Variants in CORO7 observed in about 807,000 individuals in gnomAD.
CORO7 encodes the protein coronin 7, also known as coronin-7.
Under a neutral mutation model 126.6 loss-of-function variants are expected in CORO7, and 107 were observed. That is an observed-to-expected ratio of 0.85 (90% CI 0.72 to 0.99). The LOEUF (loss-of-function observed/expected upper bound fraction) is 0.99. Ranked by LOEUF, CORO7 falls within the 50% of genes least tolerant of loss-of-function variation. The probability of loss-of-function intolerance (pLI) is 0.00; values close to 1 mark genes in which losing one functional copy is unlikely to be tolerated. For missense variants in CORO7, 1,314 were observed against 1,255.8 expected, an observed-to-expected ratio of 1.05 and a Z score of -0.70; for synonymous variants, 603 against 536.8, an observed-to-expected ratio of 1.12 and a Z score of -1.70.
rs764132142 is a variant in CORO7 at position 4,381,239 on chromosome 16, G to A, written c.785+6747C>T. On this transcript the variant is annotated intron_variant, in intron 9 of 27. Transcript: ENST00000251166. ...CATGAAATCACCAATGAGACCTTCCGTGGCCTGCGGCGCCTCGAGCGCCTC... is the reference window on the plus strand; with the variant it reads ...CATGAAATCACCAATGAGACCTTCCATGGCCTGCGGCGCCTCGAGCGCCTC... 66 of 1,611,882 alleles carry A rather than the reference G, an allele frequency of 4.1e-5. No individual in the cohort carries two copies. The highest frequency in any genetic ancestry group is 1.3e-4 in the South Asian group (12 of 90,982).
intron 3 of CORO7, among the ~76,000 whole-genome samples, chr16:4,409,503 C>G (rs1490158961): frequency 1.3e-5 from 2 of 152,354 alleles, no homozygotes; most frequent in East Asian, 3.9e-4. Flanking sequence ...GGGGTTGACA[C>G]GCAGGGACCT....
rs149523662 is a variant in CORO7 at position 4,373,801 on chromosome 16, C to T, written c.786-8256G>A. ...GGGCCCTGCTGAGCCCAGGAGGGAG[C>T]TCCCACCTCAGCAGGCCAGACAGCC... is the stretch of plus-strand genomic sequence containing the variant. On this transcript the variant is annotated intron_variant, in intron 9 of 27. Transcript: ENST00000251166. 3.3e-5 allele frequency among the ~76,000 whole-genome samples: 5 copies of T among 152,236 alleles called. No homozygotes were observed. The East Asian group carries it at 9.7e-4, about 29-fold the overall frequency.
intron 9 of CORO7, chr16:4,383,156 G>A (rs753600129): frequency 6.5e-6 from 3 of 459,210 alleles, no homozygotes; most frequent in Non-Finnish European, 1.2e-5. Flanking sequence ...CCTCCGCAAC[G>A]TGCAGTCCCT....
chr16:4,371,799 CG>C (rs2054534774), intron 9 of CORO7: 1 of 151,782 alleles, frequency 6.6e-6, no homozygotes, highest in African/African-American at 2.4e-5. Flanking sequence ...CCTGCCGCGG[CG>C]GGCCCGCCCC....
At chr16:4,387,887 G>A (rs1567281226) in intron 9 of CORO7, 99 bp downstream of exon 9, 1 of 1,474,798 alleles carries the variant, frequency 6.8e-7, no homozygotes, top group Non-Finnish European at 9.3e-7. Context: ...GAACACCCCG[G>A]AGATCAGCCC....
intron 27 of CORO7, 26 bp downstream of exon 27, chr16:4,355,260 G>A (rs375148587): frequency 1.9e-4 from 301 of 1,612,272 alleles, no homozygotes; most frequent in Non-Finnish European, 2.3e-4. Flanking sequence ...GCTGCCTGCC[G>A]GGAAGTGAGG....
At chr16:4,398,714 A>T (rs2141292740) in intron 6 of CORO7, among the ~76,000 whole-genome samples, 1 of 152,104 alleles carries the variant, frequency 6.6e-6, no homozygotes, top group African/African-American at 2.4e-5. Flanking sequence ...TCACACCTGT[A>T]ATCCCAGCAC....
At chr16:4,385,165 C>A (rs370070113) in intron 9 of CORO7, among the ~76,000 whole-genome samples, 3 of 152,174 alleles carry the variant, frequency 2.0e-5, no homozygotes, top group African/African-American at 7.2e-5. Flanking sequence ...GGTGTGCGAG[C>A]CCCCATCACC....
chr16:4,369,116 C>T (rs936674195), intron 9 of CORO7, among the ~76,000 whole-genome samples: 2 of 152,242 alleles, frequency 1.3e-5, no homozygotes, highest in Non-Finnish European at 1.5e-5. Flanking sequence ...GAGCTGAGGC[C>T]GAGTGGGCAG....
Position 4,362,152 on chromosome 16 carries a change from A to T in CORO7, c.1411T>A (p.Ser471Thr), listed in dbSNP as rs1217366630. Reference sequence around the variant, plus strand: ...GTGCCCTGAGCATGGCGGAACTTGGAACTGGGGCCTGGCAGGTGGCAGGGA... The same window carrying T: ...GTGCCCTGAGCATGGCGGAACTTGGTACTGGGGCCTGGCAGGTGGCAGGGA... ...RSLQSLLGPS[S>T]KFRHAQGTVL... The change falls in exon 16 of 28, where the codon TCC becomes ACC. Residue 471 changes from serine (S) to threonine (T), a missense_variant. Physicochemically the swap from Ser to Thr is moderately conservative, Grantham distance 58 (BLOSUM62 1). Transcript: ENST00000251166. The surrounding 1 kb of genome is among the most constrained non-coding windows in gnomAD (Gnocchi z 5.3). 3 of 1,606,440 alleles carry T rather than the reference A, an allele frequency of 1.9e-6. No individual in the cohort carries two copies. Among genetic ancestry groups the T allele is most frequent in the Admixed American group, 1.7e-5 (1 of 58,220 alleles).
At chr16:4,402,419 AT>A (rs1174624328) in intron 6 of CORO7, among the ~76,000 whole-genome samples, 1 of 150,538 alleles carries the variant, frequency 6.6e-6, no homozygotes, top group Non-Finnish European at 1.5e-5. Context: ...TAATGTTTGC[AT>A]TTTTTTTGTA....
chr16:4,414,342 A>AC (rs1260108847), intron 1 of CORO7: 1 of 151,944 alleles, frequency 6.6e-6, no homozygotes, highest in African/African-American at 2.4e-5. Context: ...TAAAAGAAAC[A>AC]CCCCCACCCA....
In CORO7 at chr16:4,357,212, C is replaced by T; in HGVS notation, c.2641G>A (p.Ala881Thr). The T allele has an allele frequency of 1.2e-6, 2 of 1,613,976 alleles. No individual in the cohort carries two copies. Among genetic ancestry groups the T allele is most frequent in the Non-Finnish European group, 1.7e-6 (2 of 1,180,010 alleles). Residue 881 changes from alanine (A) to threonine (T), a missense_variant, in exon 26 of 28, where the codon GCG becomes ACG. Ala to Thr is a moderately conservative substitution (Grantham distance 58). Transcript: ENST00000251166. ...EAPARRAPSS[A>T]QYLEEKSDQQ... ...TCAGACTTTTCTTCCAGGTACTGCG[C>T]TGAGGATGGGGCCCGACGAGCAGGG...
At chr16:4,385,913 G>C (rs367958710) in intron 9 of CORO7, among the ~76,000 whole-genome samples, 1 of 152,236 alleles carries the variant, frequency 6.6e-6, no homozygotes, top group South Asian at 2.1e-4. Flanking sequence ...GAGGGTGGTG[G>C]AGTGGATGCA....
intron 9 of CORO7, among the ~76,000 whole-genome samples, chr16:4,378,364 C>T (rs927329815): frequency 6.6e-6 from 1 of 152,134 alleles, no homozygotes; most frequent in Non-Finnish European, 1.5e-5. Flanking sequence ...AGGCTGGCCA[C>T]GTGGAGGATC....
chr16:4,364,420 G>A lies in CORO7; in HGVS notation c.1138-7C>T, dbSNP rs1452701320. 1 of 1,498,362 alleles carries A rather than the reference G, an allele frequency of 6.7e-7. No individual in the cohort carries two copies. Among genetic ancestry groups the A allele is most frequent in the South Asian group, 1.4e-5 (1 of 73,524 alleles). The allele number at this position is 1,498,362 out of a possible 1,614,324, so 92.8% of individuals were successfully genotyped here. ...TGAGGCTGACCTTCTGCACCTGCAT[G>A]GAGGCCGGCAGTGGGGAGATGGGGG... On this transcript the variant is annotated splice_polypyrimidine_tract_variant and splice_region_variant and intron_variant, in intron 13 of 27. Transcript: ENST00000251166.
Position 4,362,027 on chromosome 16 carries a change from G to A in CORO7, c.1536C>T (p.Ala512=), listed in dbSNP as rs750887964. The change falls in exon 16 of 28, where the codon GCC becomes GCT. Residue 512 remains alanine (A), a synonymous_variant. Coordinates refer to ENST00000251166, the MANE Select transcript of CORO7 (RefSeq NM_024535.5). This position sits in a 1 kb window ranked among gnomAD's most constrained non-coding sequence, Gnocchi z 5.3. The part of the protein sequence containing the change: ...DGFCANKLRV[A]VPLLSSGGQV... Reference sequence around the variant, plus strand: ...GTCCCCCGCTGCTGAGCAGCGGCACGGCCACACGCAGCTTGTTGGCACAGA... The same window carrying A: ...GTCCCCCGCTGCTGAGCAGCGGCACAGCCACACGCAGCTTGTTGGCACAGA... 4 of 1,612,476 alleles carry A rather than the reference G, an allele frequency of 2.5e-6. No homozygotes were observed. The highest frequency in any genetic ancestry group is 1.1e-5 in the South Asian group (1 of 91,052).
At chr16:4,398,989 C>A (rs1046956463) in intron 6 of CORO7, among the ~76,000 whole-genome samples, 16 of 150,360 alleles carry the variant, frequency 1.1e-4, no homozygotes, top group African/African-American at 3.2e-4. Context: ...AAAAACAAAA[C>A]CAACTGTTGG....
At chr16:4,381,585 A>G (rs1311587057) in intron 9 of CORO7, 1 of 1,603,546 alleles carries the variant, frequency 6.2e-7, no homozygotes, top group African/African-American at 1.3e-5. Context: ...CTGTGATCCG[A>G]GGCCTCCGGG....
Sources: gnomAD v4.1 joint callset for allele counts (sites outside exome capture counted in the v4.1 genomes callset) on GRCh38, gnomAD v4.1.1 for gene constraint, Gnocchi (gnomAD v3.1) non-coding constraint, MANE v1.5 for transcripts, NCBI Gene and HGNC (gene_info 2026-07-23, HGNC 2026-07-21) for gene names.